MGAT4C: variants seen among roughly 807,000 people sequenced by gnomAD.
MGAT4C encodes alpha-1,3-mannosyl-glycoprotein 4-beta-N-acetylglucosaminyltransferase C.
In MGAT4C, 19 loss-of-function variants were observed where a neutral mutation model predicts 40.1. The observed-to-expected ratio is 0.47, with a 90% CI of 0.33 to 0.70. MGAT4C has a LOEUF of 0.70. MGAT4C is among the 30% of genes least tolerant of loss of function. The pLI, the probability that MGAT4C is intolerant of heterozygous loss-of-function variation, is 0.02. For synonymous variants in MGAT4C, 181 were observed against 187.1 expected (o/e 0.97, Z 0.27); for missense variants, 491 against 563.2 (o/e 0.87, Z 1.30).
At chr12:86,274,781 G>T (rs1953029467) in intron 4 of MGAT4C, among the ~76,000 whole-genome samples, 1 of 152,216 alleles carries the variant, frequency 6.6e-6, no homozygotes, top group Non-Finnish European at 1.5e-5. Context: ...ACTGGGGTCA[G>T]TTGTTTGCCT....
intron 2 of MGAT4C, among the ~76,000 whole-genome samples, chr12:86,552,026 C>CAA (rs201076856): frequency 0.017 from 1,046 of 60,622 alleles, 6 homozygotes; most frequent in South Asian, 0.03. Context: ...TTAAAAAAAG[C>CAA]AAAAAAAAAA....
At chr12:86,484,912 C>T (rs1592903530) in intron 2 of MGAT4C, among the ~76,000 whole-genome samples, 1 of 152,212 alleles carries the variant, frequency 6.6e-6, no homozygotes, top group East Asian at 1.9e-4. Flanking sequence ...ACAATATAGC[C>T]ACACAGCTGA....
At chr12:86,677,149 C>T (rs1290489007) in intron 2 of MGAT4C, among the ~76,000 whole-genome samples, 1 of 152,072 alleles carries the variant, frequency 6.6e-6, no homozygotes, top group Non-Finnish European at 1.5e-5. Flanking sequence ...TTAACCAATA[C>T]TTAATTACCT....
At chr12:86,658,251 C>T (rs1315422173) in intron 2 of MGAT4C, among the ~76,000 whole-genome samples, 1 of 151,992 alleles carries the variant, frequency 6.6e-6, no homozygotes, top group Non-Finnish European at 1.5e-5. Flanking sequence ...TTTTATAAAG[C>T]AATCAATTGA....
At chr12:86,003,408 T>G (rs1466718406) in intron 2 of MGAT4C, among the ~76,000 whole-genome samples, 1 of 152,144 alleles carries the variant, frequency 6.6e-6, no homozygotes, top group African/African-American at 2.4e-5. Flanking sequence ...TTAGAATAAG[T>G]GTACAAGTAA....
At chr12:86,547,447 T>C (rs1198842144) in intron 2 of MGAT4C, among the ~76,000 whole-genome samples, 2 of 152,110 alleles carry the variant, frequency 1.3e-5, no homozygotes, top group Non-Finnish European at 2.9e-5. Flanking sequence ...ATAATATTCA[T>C]GTAGACAGGC....
chr12:86,145,575 C>T (rs1883405339), intron 1 of MGAT4C, among the ~76,000 whole-genome samples: 1 of 152,048 alleles, frequency 6.6e-6, no homozygotes, highest in Admixed American at 6.6e-5. Flanking sequence ...TCCGAAGGTG[C>T]CTTCTGTAGA....
chr12:86,613,476 C>T (rs1962350906), intron 2 of MGAT4C, among the ~76,000 whole-genome samples: 1 of 152,106 alleles, frequency 6.6e-6, no homozygotes. Flanking sequence ...CTGTTGTATA[C>T]ATGTCAGAAT....
chr12:86,017,955 G>A (rs767580311), intron 2 of MGAT4C, among the ~76,000 whole-genome samples: 5 of 152,072 alleles, frequency 3.3e-5, no homozygotes, highest in Non-Finnish European at 5.9e-5. Context: ...CAAGAAAAAT[G>A]CTCATTTATT....
At chr12:86,488,809 A>T (rs768046065) in intron 2 of MGAT4C, among the ~76,000 whole-genome samples, 1 of 152,204 alleles carries the variant, frequency 6.6e-6, no homozygotes, top group Non-Finnish European at 1.5e-5. Flanking sequence ...TATAAATGGT[A>T]GAATAAAATT....
rs151001798 is a variant in MGAT4C at position 86,728,270 on chromosome 12, T to C, written c.-261-1029A>G. ...AGTAAGAAAATTAAGGTCATTTTAA[T>C]TCTACCTTGTGGAGTTATTCATTAT... On this transcript the variant is annotated intron_variant, in intron 1 of 7. Transcript: ENST00000548651. Among the ~76,000 whole-genome samples the C allele has an allele frequency of 5.5e-3, 839 of 152,336 alleles. 3 individuals carry two copies. Among genetic ancestry groups the C allele is most frequent in the Non-Finnish European group, 8.9e-3 (604 of 68,022 alleles).
chr12:86,699,231 A>G (rs1023903766), intron 2 of MGAT4C, among the ~76,000 whole-genome samples: 1 of 152,174 alleles, frequency 6.6e-6, no homozygotes, highest in Admixed American at 6.6e-5. Context: ...ATACTGACAC[A>G]AATTAAACAG....
rs544988385 is a variant in MGAT4C at position 85,967,494 on chromosome 12, T to G, written c.*11795A>C. 1.2e-4 allele frequency: 18 copies of G among 152,226 alleles called. No individual in the cohort carries two copies. The East Asian group carries it at 3.3e-3, about 28-fold the overall frequency. 9.4% of individuals were successfully genotyped at this position (152,226 alleles called of 1,614,324 possible). On this transcript the variant is annotated 3_prime_UTR_variant, in exon 5 of 5. Coordinates refer to ENST00000611864, the MANE Select transcript of MGAT4C (RefSeq NM_001351288.2). Reference sequence around the variant, plus strand: ...AGAAAATAAGTAATACAAATTAGTTTTCCAGAAAATCTAATTTTATGCAGA... The same window carrying G: ...AGAAAATAAGTAATACAAATTAGTTGTCCAGAAAATCTAATTTTATGCAGA...
At chr12:86,534,074 G>A (rs1959030841) in intron 2 of MGAT4C, among the ~76,000 whole-genome samples, 1 of 151,936 alleles carries the variant, frequency 6.6e-6, no homozygotes, top group Non-Finnish European at 1.5e-5. Context: ...GTCACTTGTG[G>A]GTAAAATCTA....
chr12:86,028,115 T>C (rs1425222775), intron 2 of MGAT4C: 1 of 1,287,694 alleles, frequency 7.8e-7, no homozygotes. Flanking sequence ...TTGCATCTTC[T>C]GGATCCCTTT....
chr12:86,190,216 G>A (rs1337456194), intron 1 of MGAT4C, among the ~76,000 whole-genome samples: 4 of 151,730 alleles, frequency 2.6e-5, no homozygotes, highest in Admixed American at 2.0e-4. Context: ...ATTACACCAG[G>A]GATTACTGAA....
At chr12:86,256,451 T>C (rs1223741762), upstream of MGAT4C, 1 of 152,184 alleles carries the variant, frequency 6.6e-6, no homozygotes, top group African/African-American at 2.4e-5. Context: ...AAACATCAAC[T>C]GGGTGTACTC....
At chr12:86,436,429 G>C (rs1284431727) in intron 2 of MGAT4C, among the ~76,000 whole-genome samples, 3 of 151,598 alleles carry the variant, frequency 2.0e-5, no homozygotes, top group African/African-American at 7.3e-5. Context: ...GTCAGAGTGT[G>C]GGGGGAGAAG....
intron 4 of MGAT4C, among the ~76,000 whole-genome samples, chr12:86,282,776 G>A (rs191668931): frequency 2.9e-4 from 44 of 151,770 alleles, no homozygotes; most frequent in African/African-American, 9.9e-4. Flanking sequence ...CTTTGTTTTC[G>A]TTTTTAGTGT....
Sources: allele counts gnomAD v4.1 joint callset (sites outside exome capture counted in the v4.1 genomes callset), GRCh38; gene constraint gnomAD v4.1.1; transcripts MANE v1.5; gene names NCBI Gene and HGNC (gene_info 2026-07-23, HGNC 2026-07-21).